The following PDS5B variants were observed in gnomAD, a reference collection of about 807,000 sequenced individuals.
PDS5B encodes sister chromatid cohesion protein PDS5 homolog B.
PDS5B carries 51 observed loss-of-function variants against 184.1 expected under a neutral mutation model. The ratio of observed to expected loss-of-function variants is 0.28; its 90% CI spans 0.22 to 0.35. The LOEUF is 0.35. PDS5B is among the 10% of genes least tolerant of loss of function. The pLI, the probability that PDS5B is intolerant of heterozygous loss-of-function variation, is 1.00. For missense variants in PDS5B, 1,180 were observed against 1,723.3 expected (o/e 0.68, Z 5.58); for synonymous variants, 566 against 569.2 (o/e 0.99, Z 0.08).
At chr13:32,647,028 AATT>A (rs1207228180) in intron 1 of PDS5B, among the ~76,000 whole-genome samples, 4 of 151,966 alleles carry the variant, frequency 2.6e-5, no homozygotes, top group Admixed American at 6.5e-5. Flanking sequence ...TGTTTTCTGG[AATT>A]ATTATTATTT....
In PDS5B at chr13:32,699,714, TTTAA is replaced by T; in HGVS notation, c.1601-13_1601-10del. The T allele has an allele frequency of 7.1e-7, 1 of 1,415,674 alleles. No homozygotes were observed. The highest frequency in any genetic ancestry group is 9.3e-7 in the Non-Finnish European group (1 of 1,071,694). 87.7% of individuals were successfully genotyped at this position (1,415,674 alleles called of 1,614,324 possible). ...TAAAAAAAATTGATTTTAATTGAAC[TTTAA>T]TTTATTTTAAGGAAATTTACCTGAT... On this transcript the variant is annotated splice_polypyrimidine_tract_variant and intron_variant, in intron 15 of 34. Coordinates refer to ENST00000315596, the MANE Select transcript of PDS5B (RefSeq NM_015032.4).
chr13:32,631,529 C>T (rs983190908), intron 1 of PDS5B, among the ~76,000 whole-genome samples: 3 of 152,184 alleles, frequency 2.0e-5, no homozygotes, highest in Non-Finnish European at 4.4e-5. Flanking sequence ...CCCCAGTCAA[C>T]AGTACCTGGG....
Position 32,741,914 on chromosome 13 carries a change from G to GT in PDS5B, c.2476-672dup, listed in dbSNP as rs1953573170. Among the ~76,000 whole-genome samples the GT allele has an allele frequency of 2.6e-5, 4 of 152,122 alleles. No individual in the cohort carries two copies. The South Asian group carries it at 8.3e-4, about 32-fold the overall frequency. Reference sequence around the variant, plus strand: ...TTCTCGGCATTGGTCTCAAGCTGCAGTTTTTGTATACTTGAAAGCAGCACT... The same window carrying GT: ...TTCTCGGCATTGGTCTCAAGCTGCAGTTTTTTGTATACTTGAAAGCAGCACT... On this transcript the variant is annotated intron_variant, in intron 22 of 34. Transcript: ENST00000315596.
intron 1 of PDS5B, among the ~76,000 whole-genome samples, chr13:32,633,821 A>C (rs2140584132): frequency 6.6e-6 from 1 of 152,264 alleles, no homozygotes; most frequent in East Asian, 1.9e-4. Context: ...ACTTTTAATG[A>C]GGTAGAATTA....
intron 1 of PDS5B, among the ~76,000 whole-genome samples, chr13:32,597,235 G>A (rs530114707): frequency 6.6e-6 from 1 of 151,364 alleles, no homozygotes; most frequent in Non-Finnish European, 1.5e-5. Context: ...GTAGAGATGG[G>A]GTTCGCCATG....
At chr13:32,620,370 G>A (rs1332632523) in intron 1 of PDS5B, among the ~76,000 whole-genome samples, 2 of 152,098 alleles carry the variant, frequency 1.3e-5, no homozygotes, top group Non-Finnish European at 2.9e-5. Context: ...CTGTTAAAAA[G>A]TGGTAGTGAT....
At chr13:32,594,982 GTCT>G (rs756695527) in intron 1 of PDS5B, among the ~76,000 whole-genome samples, 1 of 152,070 alleles carries the variant, frequency 6.6e-6, no homozygotes, top group Non-Finnish European at 1.5e-5. Context: ...TCATATACGT[GTCT>G]TCTTCTCCAA....
intron 16 of PDS5B, chr13:32,701,032 T>C (rs947874682): frequency 3.9e-5 from 7 of 179,848 alleles, no homozygotes; most frequent in Non-Finnish European, 7.0e-5. Context: ...GGAATATTTT[T>C]GATGTAATAT....
intron 21 of PDS5B, among the ~76,000 whole-genome samples, chr13:32,736,230 C>T (rs867761581): frequency 6.6e-6 from 1 of 151,848 alleles, no homozygotes; most frequent in Non-Finnish European, 1.5e-5. Flanking sequence ...CATATTTTCT[C>T]CTTTTGTTTT....
At chr13:32,695,292 T>G (rs1951670376) in intron 14 of PDS5B, among the ~76,000 whole-genome samples, 1 of 151,988 alleles carries the variant, frequency 6.6e-6, no homozygotes, top group Non-Finnish European at 1.5e-5. Flanking sequence ...AACATAACCT[T>G]TTTTCTGTGA....
chr13:32,699,058 A>G (rs1362960608), intron 15 of PDS5B, among the ~76,000 whole-genome samples: 1 of 152,202 alleles, frequency 6.6e-6, no homozygotes. Context: ...TGGAGATGCT[A>G]TATTCTAGTC....
chr13:32,629,219 A>G (rs895171932), intron 1 of PDS5B, among the ~76,000 whole-genome samples: 2 of 152,022 alleles, frequency 1.3e-5, no homozygotes, highest in Non-Finnish European at 2.9e-5. Context: ...TTGTTTCATG[A>G]TTAAAATAAG....
chr13:32,693,689 AACG>A (rs1181172794), intron 13 of PDS5B, among the ~76,000 whole-genome samples: 1 of 149,652 alleles, frequency 6.7e-6, no homozygotes, highest in South Asian at 2.1e-4. Context: ...TAATATATTA[AACG>A]ACATTATAAT....
intron 19 of PDS5B, among the ~76,000 whole-genome samples, chr13:32,721,536 C>T (rs55652453): frequency 0.31 from 44,982 of 143,586 alleles, 8,719 homozygotes; most frequent in Non-Finnish European, 0.44. Context: ...GGGTGGCGGC[C>T]GGGCAGAGGT....
intron 19 of PDS5B, among the ~76,000 whole-genome samples, chr13:32,723,732 A>T (rs893689783): frequency 6.6e-6 from 1 of 152,180 alleles, no homozygotes; most frequent in African/African-American, 2.4e-5. Flanking sequence ...ATCAAATCTG[A>T]TTTATGAGAA....
Position 32,656,612 on chromosome 13 carries a change from T to A in PDS5B, c.313-1627T>A, listed in dbSNP as rs548909104. Among the ~76,000 whole-genome samples the A allele has an allele frequency of 6.2e-3, 918 of 149,218 alleles. 15 individuals are homozygous for A. The highest frequency in any genetic ancestry group is 0.02 in the African/African-American group (813 of 40,310). On this transcript the variant is annotated intron_variant, in intron 3 of 34. Transcript: ENST00000315596. Reference sequence around the variant, plus strand: ...TTTTGTGGCTTTTTTTTTTTTTTTTTAAAAGACAAAGTCTGGCTCTGTCAC... The same window carrying A: ...TTTTGTGGCTTTTTTTTTTTTTTTTAAAAAGACAAAGTCTGGCTCTGTCAC...
chr13:32,592,011 A>G, intron 1 of PDS5B, among the ~76,000 whole-genome samples: 1 of 152,206 alleles, frequency 6.6e-6, no homozygotes. Flanking sequence ...AACATAAGGT[A>G]GAAGAGAAGC....
intron 1 of PDS5B, among the ~76,000 whole-genome samples, chr13:32,613,259 G>A (rs1423877988): frequency 6.6e-6 from 1 of 152,200 alleles, no homozygotes; most frequent in Non-Finnish European, 1.5e-5. Flanking sequence ...AAACATAGGA[G>A]TAGAATTGCT....
chr13:32,654,522 G>GT (rs1593346162), intron 3 of PDS5B, among the ~76,000 whole-genome samples: 1 of 152,182 alleles, frequency 6.6e-6, no homozygotes, highest in East Asian at 1.9e-4. Context: ...TTTGTTTTAA[G>GT]TAACCTTTTT....
Sources: allele counts gnomAD v4.1 joint callset (sites outside exome capture counted in the v4.1 genomes callset), GRCh38; gene constraint gnomAD v4.1.1; transcripts MANE v1.5; gene names NCBI Gene and HGNC (gene_info 2026-07-23, HGNC 2026-07-21).